ZC3H7B: variants seen among roughly 807,000 people sequenced by gnomAD.
ZC3H7B encodes zinc finger CCCH domain-containing protein 7B.
In ZC3H7B, 35 loss-of-function variants were observed where a neutral mutation model predicts 116.0. That is an observed-to-expected ratio of 0.30 (90% CI 0.23 to 0.40). The LOEUF is 0.40. ZC3H7B is among the 10% of genes least tolerant of loss of function. The pLI is 1.00. For synonymous variants in ZC3H7B, 502 were observed against 545.6 expected, an observed-to-expected ratio of 0.92 and a Z score of 1.11; for missense variants, 1,011 against 1,321.5, an observed-to-expected ratio of 0.77 and a Z score of 3.64.
In ZC3H7B at chr22:41,349,234, G is replaced by A. The variant is rs1457580207; in HGVS notation, c.1881G>A (p.Arg627=). 1.9e-6 allele frequency: 3 copies of A among 1,613,520 alleles called. No homozygotes were observed. The highest frequency in any genetic ancestry group is 2.5e-6 in the Non-Finnish European group (3 of 1,179,986). ...ATGAGGTGCGCTACGGCTGCCTGCG[G>A]GAGGACAGCTGCCACTTCGCCCACA... ...CRHEVRYGCL[R]EDSCHFAHSF... is the part of the protein sequence containing the mutation. Residue 627 remains arginine (R), a synonymous_variant, in exon 16 of 23, where the codon CGG becomes CGA. Coordinates refer to ENST00000352645, the MANE Select transcript of ZC3H7B (RefSeq NM_017590.6). The surrounding 1 kb of genome is among the most constrained non-coding windows in gnomAD (Gnocchi z 4.9).
Position 41,351,480 on chromosome 22 carries a change from C to A in ZC3H7B, c.1949-81C>A. The A allele has an allele frequency of 7.5e-7, 1 of 1,329,200 alleles. No individual in the cohort carries two copies. The highest frequency in any genetic ancestry group is 1.0e-6 in the Non-Finnish European group (1 of 959,880). 82.3% of individuals were successfully genotyped at this position (1,329,200 alleles called of 1,614,324 possible). ...GCTCCTCCAGCTGGGCCTCGGGGGT[C>A]CCTGGCACCTCGTGGACCCCCTGCC... On this transcript the variant is annotated intron_variant, in intron 16 of 22. Coordinates refer to ENST00000352645, the MANE Select transcript of ZC3H7B (RefSeq NM_017590.6). This position sits in a 1 kb window ranked among gnomAD's most constrained non-coding sequence, Gnocchi z 5.1.
At chr22:41,340,496 C>G (rs1024974476) in intron 10 of ZC3H7B, among the ~76,000 whole-genome samples, 23 of 152,104 alleles carry the variant, frequency 1.5e-4, no homozygotes, top group African/African-American at 5.6e-4. Context: ...TGGCCTCCCA[C>G]TGCACCACTC....
At chr22:41,356,985 T>C (rs2036730501) in intron 22 of ZC3H7B, among the ~76,000 whole-genome samples, 177 bp downstream of exon 22, 1 of 152,108 alleles carries the variant, frequency 6.6e-6, no homozygotes, top group Non-Finnish European at 1.5e-5. Flanking sequence ...GGCTCAGACC[T>C]ATCTAGACCT....
At chr22:41,336,407 T>TA (rs1235273751) in intron 7 of ZC3H7B, 1 of 152,214 alleles carries the variant, frequency 6.6e-6, no homozygotes, top group African/African-American at 2.4e-5. Flanking sequence ...CTCACACCTA[T>TA]AATCCCAGCA....
Position 41,356,623 on chromosome 22 carries a change from C to T in ZC3H7B, c.2518-22C>T, listed in dbSNP as rs746597761. ...GGGCAGAGGTGTGGGGGAGCAGGCACCCATGATGGCTGTGCTCCCAGATGG... is the reference window on the plus strand; with the variant it reads ...GGGCAGAGGTGTGGGGGAGCAGGCATCCATGATGGCTGTGCTCCCAGATGG... On this transcript the variant is annotated intron_variant, in intron 21 of 22. Transcript: ENST00000352645. 8 of 1,612,972 alleles carry T rather than the reference C, an allele frequency of 5.0e-6. No individual in the cohort carries two copies. The East Asian group carries it at 1.1e-4, about 22-fold the overall frequency.
In ZC3H7B at chr22:41,332,206, T is replaced by C; in HGVS notation, c.561T>C (p.Thr187=). ...LETFSLLSNG[T]AAGVADQGTS... ...CCTTTTCTCTGCTCAGTAACGGCAC[T>C]GCGGCTGGCGTGGCAGATCAGGTAG... Residue 187 remains threonine (T), a synonymous_variant, in exon 7 of 23, where the codon ACT becomes ACC. Coordinates refer to ENST00000352645, the MANE Select transcript of ZC3H7B (RefSeq NM_017590.6). 6.2e-7 allele frequency: 1 copy of C among 1,614,200 alleles called. No individual in the cohort carries two copies. The highest frequency in any genetic ancestry group is 1.1e-5 in the South Asian group (1 of 91,082).
intron 7 of ZC3H7B, chr22:41,336,777 G>T (rs1379052665): frequency 6.6e-6 from 1 of 152,100 alleles, no homozygotes; most frequent in Non-Finnish European, 1.5e-5. Context: ...GTGGGAGTCG[G>T]AGGTTGTAGT....
Position 41,338,265 on chromosome 22 carries a change from G to A in ZC3H7B, c.583-48G>A. 1 of 1,598,478 alleles carries A rather than the reference G, an allele frequency of 6.3e-7. No individual in the cohort carries two copies. Among genetic ancestry groups the A allele is most frequent in the Non-Finnish European group, 8.5e-7 (1 of 1,171,316 alleles). On this transcript the variant is annotated intron_variant, in intron 7 of 22. Coordinates refer to ENST00000352645, the MANE Select transcript of ZC3H7B (RefSeq NM_017590.6). The surrounding 1 kb of genome is among the most constrained non-coding windows in gnomAD (Gnocchi z 4.5). ...GGGAGGGGCTGGTGCTGGGTGCTGG[G>A]ATCGGGGCCTTCCCAGCCACAGCGC...
At chr22:41,320,859 G>A in intron 2 of ZC3H7B, 146 bp downstream of exon 2, 1 of 1,104,744 alleles carries the variant, frequency 9.1e-7, no homozygotes, top group Non-Finnish European at 1.3e-6. Flanking sequence ...GCAGGTGGGA[G>A]GAGCCAGGAA....
At position 41,311,558 on chromosome 22, in the gene ZC3H7B, G is replaced by A. The variant is rs116459740; in HGVS notation, c.-6-9097G>A. 3.3e-3 allele frequency among the ~76,000 whole-genome samples: 507 copies of A among 152,118 alleles called. 4 individuals are homozygous for A. The highest frequency in any genetic ancestry group is 0.012 in the African/African-American group (490 of 41,502). ...AGGGCATTCCAGGTAGAGGGCCCAA[G>A]ATTAAGAAAGGGATGGAAGTCATAG... On this transcript the variant is annotated intron_variant, in intron 1 of 22. Transcript: ENST00000352645.
At chr22:41,341,016 G>C (rs1478829599) in intron 10 of ZC3H7B, 72 bp from the exon 11 acceptor site, 1 of 1,482,142 alleles carries the variant, frequency 6.7e-7, no homozygotes, top group Non-Finnish European at 9.3e-7. Flanking sequence ...CAATACATAA[G>C]GGGAAGCCCT....
intron 12 of ZC3H7B, 117 bp downstream of exon 12, chr22:41,342,745 A>G: frequency 9.3e-7 from 1 of 1,078,366 alleles, no homozygotes; most frequent in Non-Finnish European, 1.3e-6. Flanking sequence ...GCCAGAAATC[A>G]GAAGCCCCTC....
In ZC3H7B at chr22:41,356,789, G is replaced by A. The variant is rs1322924745; in HGVS notation, c.2662G>A (p.Glu888Lys). 4.3e-6 allele frequency: 7 copies of A among 1,613,366 alleles called. No homozygotes were observed. In the African/African-American group the frequency reaches 5.3e-5, roughly 12 times the overall value. The change falls in exon 22 of 23, where the codon GAG becomes AAG. Residue 888 changes from glutamate to lysine, a missense_variant. Transcript: ENST00000352645. ...CTGGGCCTTCCGCTTCCCCATGGGCGAGTTCCGGCTCTGCGACAGGTGCTC... is the reference window on the plus strand; with the variant it reads ...CTGGGCCTTCCGCTTCCCCATGGGCAAGTTCCGGCTCTGCGACAGGTGCTC... ...SGWAFRFPMG[E>K]FRLCDRLQKG...
chr22:41,336,584 A>G (rs1400944918), intron 7 of ZC3H7B: 1 of 151,948 alleles, frequency 6.6e-6, no homozygotes, highest in Non-Finnish European at 1.5e-5. Context: ...AATGGCATGA[A>G]CCCAGGAGGC....
intron 1 of ZC3H7B, among the ~76,000 whole-genome samples, chr22:41,319,330 G>C (rs2036224333): frequency 6.6e-6 from 1 of 152,188 alleles, no homozygotes; most frequent in Admixed American, 6.6e-5. Flanking sequence ...GAACCCGGGA[G>C]GTGGAGGTTG....
chr22:41,352,764 A>AAAATAAAT (rs1157168255), intron 17 of ZC3H7B, among the ~76,000 whole-genome samples: 4 of 151,930 alleles, frequency 2.6e-5, no homozygotes, highest in African/African-American at 9.7e-5. Flanking sequence ...TCCGTCTCAA[A>AAAATAAAT]AAATAAATAA....
chr22:41,354,600 CG>C (rs1910328123), intron 17 of ZC3H7B, among the ~76,000 whole-genome samples: 1 of 151,970 alleles, frequency 6.6e-6, no homozygotes. Context: ...CCTGGGAAGA[CG>C]GGGAGGCTTG....
At chr22:41,331,442 C>G (rs1289194895) in intron 6 of ZC3H7B, among the ~76,000 whole-genome samples, 3 of 149,330 alleles carry the variant, frequency 2.0e-5, no homozygotes, top group Non-Finnish European at 4.4e-5. Context: ...GTAGTCCCAG[C>G]TACTCTGAAG....
At chr22:41,319,171 G>A (rs1032816699) in intron 1 of ZC3H7B, among the ~76,000 whole-genome samples, 1 of 152,114 alleles carries the variant, frequency 6.6e-6, no homozygotes, top group Non-Finnish European at 1.5e-5. Context: ...GGAGGCCAAG[G>A]TGGGCAGATC....
Sources: gnomAD v4.1 joint callset for allele counts (sites outside exome capture counted in the v4.1 genomes callset) on GRCh38, gnomAD v4.1.1 for gene constraint, Gnocchi (gnomAD v3.1) non-coding constraint, MANE v1.5 for transcripts, NCBI Gene and HGNC (gene_info 2026-07-23, HGNC 2026-07-21) for gene names.